The following GNA12 variants were observed in gnomAD, a reference collection of about 807,000 sequenced individuals.
The protein encoded by GNA12 is guanine nucleotide-binding protein subunit alpha-12.
A neutral mutation model predicts 26.0 loss-of-function variants in GNA12; 9 were observed. The ratio of observed to expected loss-of-function variants is 0.35; its 90% confidence interval spans 0.21 to 0.60. GNA12 has a LOEUF of 0.60. GNA12 is among the 20% of genes least tolerant of loss of function. GNA12 has a pLI of 0.78. For synonymous variants in GNA12, 264 were observed against 219.6 expected (o/e 1.20, Z -1.79); for missense variants, 405 against 525.8 (o/e 0.77, Z 2.25).
rs71026549 is a variant in GNA12 at position 2,757,129 on chromosome 7, C to CTTTTTTT, written c.526-23635_526-23629dup. On this transcript the variant is annotated intron_variant, in intron 2 of 3. Coordinates refer to ENST00000275364, the MANE Select transcript of GNA12 (RefSeq NM_007353.3). ...GCAGGCCCGATCTAATCAGGTGGGC[C>CTTTTTTT]TTTTTTTTTTTTTTTTTTTTTTTTG... Among the ~76,000 whole-genome samples the CTTTTTTT allele has an allele frequency of 4.6e-3, 429 of 93,938 alleles. 9 individuals carry two copies. The highest frequency in any genetic ancestry group is 0.023 in the Middle Eastern group (3 of 132). The allele number at this position is 93,938 out of a possible 152,430, so 61.6% of individuals were successfully genotyped here.
At chr7:2,739,030 C>G (rs557524180) in intron 2 of GNA12, among the ~76,000 whole-genome samples, 2 of 152,134 alleles carry the variant, frequency 1.3e-5, no homozygotes, top group Non-Finnish European at 2.9e-5. Context: ...GGTCCTTGGC[C>G]GTGGAGCAGC....
At chr7:2,754,056 C>T (rs945020367) in intron 2 of GNA12, among the ~76,000 whole-genome samples, 2 of 152,220 alleles carry the variant, frequency 1.3e-5, no homozygotes, top group East Asian at 3.8e-4. Context: ...AACTCTTTTC[C>T]AGAACGGTTG....
At chr7:2,797,607 C>G (rs1488622255) in intron 1 of GNA12, among the ~76,000 whole-genome samples, 2 of 152,120 alleles carry the variant, frequency 1.3e-5, no homozygotes, top group African/African-American at 2.4e-5. Context: ...TCCATTCTGC[C>G]TCCTTCATCT....
intron 1 of GNA12, among the ~76,000 whole-genome samples, chr7:2,805,299 T>C (rs562470256): frequency 1.9e-4 from 29 of 152,382 alleles, no homozygotes; most frequent in Non-Finnish European, 3.5e-4. Context: ...TTAGTCTTTA[T>C]AAATAACTCT....
At chr7:2,776,942 T>C (rs1792092606) in intron 2 of GNA12, among the ~76,000 whole-genome samples, 1 of 142,948 alleles carries the variant, frequency 7.0e-6, no homozygotes, top group African/African-American at 2.5e-5. Flanking sequence ...AGAGACTCTG[T>C]CTCAATAATA....
chr7:2,734,549 T>G (rs1180299360), intron 2 of GNA12, among the ~76,000 whole-genome samples: 1 of 152,192 alleles, frequency 6.6e-6, no homozygotes, highest in Non-Finnish European at 1.5e-5. Context: ...GTGATGGCGC[T>G]GAAGCTCGTG....
At chr7:2,744,672 T>A (rs1303210587) in intron 2 of GNA12, among the ~76,000 whole-genome samples, 2 of 152,128 alleles carry the variant, frequency 1.3e-5, no homozygotes, top group East Asian at 3.9e-4. Flanking sequence ...GGATGGACAA[T>A]GACTTTGACG....
Position 2,780,044 on chromosome 7 carries a change from CTG to C in GNA12, c.525+14882_525+14883del, listed in dbSNP as rs1198755796. ...CCACGTACTAGTTTTTTACACATTTCTGTGTACATATATATATATATATATAT... is the reference window on the plus strand; with the variant it reads ...CCACGTACTAGTTTTTTACACATTTCTGTACATATATATATATATATATAT... On this transcript the variant is annotated intron_variant, in intron 2 of 3. Coordinates refer to ENST00000275364, the MANE Select transcript of GNA12 (RefSeq NM_007353.3). Among the ~76,000 whole-genome samples, 223 of 79,654 alleles carry C rather than the reference CTG, an allele frequency of 2.8e-3. 5 individuals are homozygous for C. The highest frequency in any genetic ancestry group is 0.011 in the African/African-American group (214 of 19,644). 52.3% of individuals were successfully genotyped at this position (79,654 alleles called of 152,430 possible).
chr7:2,785,179 T>G (rs529582641), intron 2 of GNA12, among the ~76,000 whole-genome samples: 1 of 152,344 alleles, frequency 6.6e-6, no homozygotes, highest in African/African-American at 2.4e-5. Flanking sequence ...TTCCTGCTTC[T>G]GTATCCTCAG....
chr7:2,735,606 G>A (rs1358707990), intron 2 of GNA12, among the ~76,000 whole-genome samples: 1 of 152,204 alleles, frequency 6.6e-6, no homozygotes, highest in South Asian at 2.1e-4. Context: ...CAGTCCCCCA[G>A]CTGCACTTCA....
At chr7:2,737,679 G>C (rs1790277398) in intron 2 of GNA12, among the ~76,000 whole-genome samples, 1 of 152,122 alleles carries the variant, frequency 6.6e-6, no homozygotes, top group Admixed American at 6.6e-5. Flanking sequence ...GCTTGTTAAT[G>C]GTGAGCTAGA....
chr7:2,815,144 A>G, intron 1 of GNA12: 1 of 694,598 alleles, frequency 1.4e-6, no homozygotes, highest in Non-Finnish European at 2.3e-6. Context: ...GAGAAGGAGC[A>G]ATACAAAAAG....
intron 1 of GNA12, among the ~76,000 whole-genome samples, chr7:2,812,857 G>C (rs1033215839): frequency 6.6e-6 from 1 of 152,130 alleles, no homozygotes; most frequent in Non-Finnish European, 1.5e-5. Context: ...GCAGTTATTT[G>C]GCCCCTTTTT....
In GNA12 at chr7:2,844,162, G is replaced by A; in HGVS notation, c.-1C>T. On this transcript the variant is annotated 5_prime_UTR_variant, in exon 1 of 4. Transcript: ENST00000275364. ...TGAGGGTCCGCACCACCCCGGACAT[G>A]GCCCCTCAGGCCGCGGCCGCGCCCC... is the stretch of plus-strand genomic sequence containing the variant. The A allele has an allele frequency of 1.0e-6, 1 of 983,186 alleles. No homozygotes were observed. Among genetic ancestry groups the A allele is most frequent in the Non-Finnish European group, 1.2e-6 (1 of 829,888 alleles). The allele number at this position is 983,186 out of a possible 1,614,324, so 60.9% of individuals were successfully genotyped here. A position where few individuals can be genotyped will look rare whatever the true frequency, so the allele number is the denominator to read the frequency against.
At position 2,771,065 on chromosome 7, in the gene GNA12, TG is replaced by T. The variant is rs1791935837; in HGVS notation, c.525+23862del. Among the ~76,000 whole-genome samples, 3 of 152,094 alleles carry T rather than the reference TG, an allele frequency of 2.0e-5. No homozygotes were observed. The South Asian group carries it at 6.2e-4, about 32-fold the overall frequency. On this transcript the variant is annotated intron_variant, in intron 2 of 3. Coordinates refer to ENST00000275364, the MANE Select transcript of GNA12 (RefSeq NM_007353.3). The stretch of plus-strand genomic sequence containing the variant: ...CAGCACTTTGGGAGGCTGAGGTGGG[TG>T]GATCACTTGAAGTTAGGAGTTCAAG...
chr7:2,814,476 G>A, intron 1 of GNA12: 1 of 849,450 alleles, frequency 1.2e-6, no homozygotes. Context: ...GCTTCTCCAA[G>A]CTCACAAATA....
intron 1 of GNA12, among the ~76,000 whole-genome samples, chr7:2,805,994 C>T (rs953977305): frequency 6.6e-6 from 1 of 152,202 alleles, no homozygotes; most frequent in African/African-American, 2.4e-5. Flanking sequence ...TTTGTTTATA[C>T]TGATTACATG....
chr7:2,816,625 A>T (rs886790771), intron 1 of GNA12, among the ~76,000 whole-genome samples: 3 of 152,214 alleles, frequency 2.0e-5, no homozygotes, highest in African/African-American at 4.8e-5. Flanking sequence ...TGGACTCAAA[A>T]CATGTACAGA....
Position 2,770,644 on chromosome 7 carries a change from T to C in GNA12, c.525+24284A>G, listed in dbSNP as rs538533549. On this transcript the variant is annotated intron_variant, in intron 2 of 3. Transcript: ENST00000275364. ...TAGTGAGACTCCATCTCAACAACAA[T>C]AACAACAACAAAACAAAACAAAACA... 2.4e-3 allele frequency among the ~76,000 whole-genome samples: 236 copies of C among 96,576 alleles called. 3 individuals carry two copies. Among genetic ancestry groups the C allele is most frequent in the African/African-American group, 7.1e-3 (203 of 28,538 alleles). The allele number at this position is 96,576 out of a possible 152,430, so 63.4% of individuals were successfully genotyped here. A position where few individuals can be genotyped will look rare whatever the true frequency, so the allele number is the denominator to read the frequency against.
Sources: gnomAD v4.1 joint callset for allele counts (sites outside exome capture counted in the v4.1 genomes callset) on GRCh38, gnomAD v4.1.1 for gene constraint, MANE v1.5 for transcripts, NCBI Gene and HGNC (gene_info 2026-07-23, HGNC 2026-07-21) for gene names.